Variants in ANGPT1 observed in about 807,000 individuals in gnomAD.
ANGPT1 encodes the protein angiopoietin-1.
In ANGPT1, 17 loss-of-function variants were observed where a neutral mutation model predicts 62.2. That is an observed-to-expected ratio of 0.27 (90% confidence interval 0.19 to 0.41). ANGPT1 has a LOEUF of 0.41. ANGPT1 is among the 10% of genes least tolerant of loss of function. The pLI is 1.00. For missense variants in ANGPT1, 478 were observed against 594.9 expected (o/e 0.80, Z 2.04); for synonymous variants, 199 against 198.9 (o/e 1.00, Z 0.00).
intron 1 of ANGPT1, among the ~76,000 whole-genome samples, chr8:107,459,046 A>G (rs1252597955): frequency 2.0e-5 from 3 of 152,100 alleles, no homozygotes; most frequent in Non-Finnish European, 4.4e-5. Context: ...ATTTCTTGTG[A>G]TGCTCAGTGC....
intron 1 of ANGPT1, among the ~76,000 whole-genome samples, chr8:107,378,677 G>C (rs1816576172): frequency 6.6e-6 from 1 of 152,038 alleles, no homozygotes; most frequent in South Asian, 2.1e-4. Context: ...TCTCATGATA[G>C]TGAGTTCTTG....
At chr8:107,455,812 C>T (rs551248286) in intron 1 of ANGPT1, among the ~76,000 whole-genome samples, 80 of 152,120 alleles carry the variant, frequency 5.3e-4, no homozygotes, top group Non-Finnish European at 8.7e-4. Context: ...AGGCTTTTAT[C>T]TCCAAGAAAG....
At chr8:107,429,673 G>A (rs867805104) in intron 1 of ANGPT1, among the ~76,000 whole-genome samples, 3 of 131,900 alleles carry the variant, frequency 2.3e-5, no homozygotes, top group African/African-American at 5.5e-5. Flanking sequence ...AAAAAAAGTC[G>A]ACTCTGCTGG....
intron 1 of ANGPT1, among the ~76,000 whole-genome samples, chr8:107,390,524 C>A (rs1816814537): frequency 6.6e-6 from 1 of 152,030 alleles, no homozygotes. Context: ...AGGTGGTAAC[C>A]AAAATCATAC....
chr8:107,467,037 C>G (rs1183164441), intron 1 of ANGPT1, among the ~76,000 whole-genome samples: 1 of 151,990 alleles, frequency 6.6e-6, no homozygotes, highest in Non-Finnish European at 1.5e-5. Context: ...TGCTAATCTT[C>G]ATTCATGTCA....
chr8:107,328,211 G>A (rs2130089139), intron 3 of ANGPT1, among the ~76,000 whole-genome samples: 2 of 152,134 alleles, frequency 1.3e-5, no homozygotes, highest in African/African-American at 4.8e-5. Flanking sequence ...GTCAACATGT[G>A]TTGCAAATAT....
At chr8:107,264,492 C>T (rs952303141) in intron 7 of ANGPT1, 141 bp from the exon 8 acceptor site, 3 of 1,004,878 alleles carry the variant, frequency 3.0e-6, no homozygotes, top group African/African-American at 3.3e-5. Flanking sequence ...CTCTAGGAGA[C>T]CCAAGCTATC....
intron 1 of ANGPT1, among the ~76,000 whole-genome samples, chr8:107,370,584 T>A (rs780662890): frequency 1.3e-5 from 2 of 149,906 alleles, no homozygotes; most frequent in East Asian, 4.0e-4. Flanking sequence ...GTGCCTGTGA[T>A]CCCAGCTACT....
At chr8:107,399,757 C>T (rs1297639336) in intron 1 of ANGPT1, among the ~76,000 whole-genome samples, 1 of 152,074 alleles carries the variant, frequency 6.6e-6, no homozygotes, top group African/African-American at 2.4e-5. Flanking sequence ...AGTGATGTGA[C>T]TCGGAAGAGT....
At chr8:107,342,448 G>GT (rs953227808) in intron 2 of ANGPT1, among the ~76,000 whole-genome samples, 1 of 152,174 alleles carries the variant, frequency 6.6e-6, no homozygotes, top group African/African-American at 2.4e-5. Context: ...GGCCCAGACA[G>GT]TAAACATCTT....
In ANGPT1 at chr8:107,340,756, C is replaced by T. The variant is rs763427748; in HGVS notation, c.454-4485G>A. ...CAATCTGCCCACCTCAGCCTCCTAACGTGCTGGGATAACAGGTGTGAGCCA... is the reference window on the plus strand; with the variant it reads ...CAATCTGCCCACCTCAGCCTCCTAATGTGCTGGGATAACAGGTGTGAGCCA... On this transcript the variant is annotated intron_variant, in intron 2 of 8. Coordinates refer to ENST00000517746, the MANE Select transcript of ANGPT1 (RefSeq NM_001146.5). 8.6e-5 allele frequency among the ~76,000 whole-genome samples: 13 copies of T among 151,608 alleles called. No homozygotes were observed. The South Asian group carries it at 1.0e-3, about 12-fold the overall frequency.
chr8:107,407,671 C>T (rs1471472485), intron 1 of ANGPT1, among the ~76,000 whole-genome samples: 1 of 152,156 alleles, frequency 6.6e-6, no homozygotes, highest in Non-Finnish European at 1.5e-5. Context: ...TAATAGAAAA[C>T]AGCCAACACT....
intron 1 of ANGPT1, among the ~76,000 whole-genome samples, chr8:107,369,909 G>A (rs1816347104): frequency 6.6e-6 from 1 of 152,054 alleles, no homozygotes; most frequent in African/African-American, 2.4e-5. Context: ...AGACCAAGGT[G>A]GGAGGTTTGC....
intron 2 of ANGPT1, among the ~76,000 whole-genome samples, chr8:107,344,589 T>G (rs1258318375): frequency 6.6e-6 from 1 of 152,224 alleles, no homozygotes; most frequent in Non-Finnish European, 1.5e-5. Flanking sequence ...GTCATAAATC[T>G]AGAAGGTCAG....
chr8:107,490,294 C>T (rs900288137), intron 1 of ANGPT1, among the ~76,000 whole-genome samples: 1 of 152,200 alleles, frequency 6.6e-6, no homozygotes, highest in African/African-American at 2.4e-5. Context: ...GAAACAGGCA[C>T]ATAGCACAGA....
At position 107,459,489 on chromosome 8, in the gene ANGPT1, AAACAACAACAAC is replaced by A. The variant is rs139781448; in HGVS notation, c.297+37761_297+37772del. Reference sequence around the variant, plus strand: ...GGGCAAGTGAGTGAGACTCCTTATCAAACAACAACAACAACAACAACAACAACAACAACAACA... The same window carrying A: ...GGGCAAGTGAGTGAGACTCCTTATCAAACAACAACAACAACAACAACAACA... On this transcript the variant is annotated intron_variant, in intron 1 of 8. Coordinates refer to ENST00000517746, the MANE Select transcript of ANGPT1 (RefSeq NM_001146.5). 1.6e-3 allele frequency among the ~76,000 whole-genome samples: 238 copies of A among 150,042 alleles called. 1 individual carries two copies. Among genetic ancestry groups the A allele is most frequent in the African/African-American group, 4.6e-3 (186 of 40,794 alleles).
At chr8:107,353,275 T>C (rs1276603403) in intron 1 of ANGPT1, among the ~76,000 whole-genome samples, 1 of 152,168 alleles carries the variant, frequency 6.6e-6, no homozygotes, top group Non-Finnish European at 1.5e-5. Flanking sequence ...TGACTGAGGT[T>C]CAGAGAGGTT....
chr8:107,386,517 A>C (rs1026735195), intron 1 of ANGPT1, among the ~76,000 whole-genome samples: 1 of 152,104 alleles, frequency 6.6e-6, no homozygotes, highest in Non-Finnish European at 1.5e-5. Flanking sequence ...AGCATCCAAT[A>C]GGTGGTGTTT....
Position 107,251,862 on chromosome 8 carries a change from T to C in ANGPT1, c.1490A>G (p.Asp497Gly). 6.2e-7 allele frequency: 1 copy of C among 1,613,854 alleles called. No homozygotes were observed. Among genetic ancestry groups the C allele is most frequent in the South Asian group, 1.1e-5 (1 of 91,054 alleles). Residue 497 changes from aspartate to glycine, a missense_variant, in exon 9 of 9, where the codon GAT (aspartate) becomes GGT (glycine). By Grantham distance (94) the Asp-to-Gly change is moderately conservative. Coordinates refer to ENST00000517746, the MANE Select transcript of ANGPT1 (RefSeq NM_001146.5). ...GCTTCTGACATTGCGCTTTCAAAAA[T>C]CTAAAGGTCGAATCATCATAGTTGT... ...RSTTMMIRPL[D>G]F
Sources: gnomAD v4.1 joint callset for allele counts (sites outside exome capture counted in the v4.1 genomes callset) on GRCh38, gnomAD v4.1.1 for gene constraint, MANE v1.5 for transcripts, NCBI Gene and HGNC (gene_info 2026-07-23, HGNC 2026-07-21) for gene names.